CARHSP1: variants seen among roughly 807,000 people sequenced by gnomAD.
The protein encoded by CARHSP1 is calcium-regulated heat-stable protein 1.
CARHSP1 carries 14 observed loss-of-function variants against 12.5 expected under a neutral mutation model. That is an observed-to-expected ratio of 1.12 (90% CI 0.74 to 1.75). The LOEUF is 1.75. CARHSP1 is among the 40% of genes most tolerant of loss of function. CARHSP1 has a pLI of 0.00. For synonymous variants in CARHSP1, 161 were observed against 82.0 expected, an observed-to-expected ratio of 1.96 and a Z score of -5.20; for missense variants, 343 against 201.6, an observed-to-expected ratio of 1.70 and a Z score of -4.25.
At chr16:8,857,261 CTGTTTTTTTTTTT>C (rs2061149801) in intron 3 of CARHSP1, among the ~76,000 whole-genome samples, 2 of 44,302 alleles carry the variant, frequency 4.5e-5, no homozygotes, top group Non-Finnish European at 7.7e-5. Flanking sequence ...TTGGGCAGAT[CTGTTTTTTTTTTT>C]TTTTTTTTTT....
chr16:8,858,505 T>C (rs1351116048), intron 2 of CARHSP1, 33 bp from the exon 3 acceptor site: 4 of 1,608,398 alleles, frequency 2.5e-6, no homozygotes, highest in Non-Finnish European at 3.4e-6. Flanking sequence ...AGGGGCCCCA[T>C]CAGCGCTCCT....
At chr16:8,863,018 G>A (rs1400635864) in intron 1 of CARHSP1, among the ~76,000 whole-genome samples, 1 of 151,932 alleles carries the variant, frequency 6.6e-6, no homozygotes, top group Admixed American at 6.6e-5. Flanking sequence ...GGAGTCTGAG[G>A]GCAGCACAGG....
intron 3 of CARHSP1, 37 bp from the exon 4 acceptor site, chr16:8,855,363 C>A: frequency 2.1e-6 from 3 of 1,450,340 alleles, no homozygotes; most frequent in Non-Finnish European, 1.8e-6. Context: ...GGGCTCACAC[C>A]GGGACACAGC....
chr16:8,858,468 C>T lies in CARHSP1; in HGVS notation c.163G>A (p.Val55Met), dbSNP rs775324571. 4 of 1,613,676 alleles carry T rather than the reference C, an allele frequency of 2.5e-6. No homozygotes were observed. The highest frequency in any genetic ancestry group is 4.5e-5 in the East Asian group (2 of 44,876). The part of the protein sequence containing the change: ...TRRTRTFSAT[V>M]RASQGPVYKG... ...TAGACGGGGCCCTGTGAAGCCCGCA[C>T]CGTCCTGACAGAGAGGGGGAAATGT... The change falls in exon 3 of 4, where the codon GTG becomes ATG. Residue 55 changes from valine to methionine, a missense_variant. Transcript: ENST00000311052.
rs1491522629 is a variant in CARHSP1, at chr16:8,857,264, T to TTTTTTGTTTTTTG, written c.281+1085_281+1086insCAAAAAACAAAAA. ...GGCTATGTGATCTTGGGCAGATCTG[T>TTTTTTGTTTTTTG]TTTTTTTTTTTTTTTTTTTTTTTTT... On this transcript the variant is annotated intron_variant, in intron 3 of 3. Coordinates refer to ENST00000311052, the MANE Select transcript of CARHSP1 (RefSeq NM_014316.4). 4.2e-3 allele frequency among the ~76,000 whole-genome samples: 41 copies of TTTTTTGTTTTTTG among 9,672 alleles called. 5 individuals are homozygous for TTTTTTGTTTTTTG. Among genetic ancestry groups the TTTTTTGTTTTTTG allele is most frequent in the Admixed American group, 0.011 (7 of 632 alleles). 6.3% of individuals were successfully genotyped at this position (9,672 alleles called of 152,430 possible).
chr16:8,853,507 C>T lies in CARHSP1; in HGVS notation c.*1657G>A, dbSNP rs933689029. ...ATGCGTATTTGCTATTCTCAAACAA[C>T]TCCCTTCCACCCCCTTAGGCTGAAA... On this transcript the variant is annotated 3_prime_UTR_variant, in exon 4 of 4. Coordinates refer to ENST00000311052, the MANE Select transcript of CARHSP1 (RefSeq NM_014316.4). 1 of 152,176 alleles carries T rather than the reference C, an allele frequency of 6.6e-6. No individual in the cohort carries two copies. Among genetic ancestry groups the T allele is most frequent in the Non-Finnish European group, 1.5e-5 (1 of 68,044 alleles). The allele number at this position is 152,176 out of a possible 1,614,324, so 9.4% of individuals were successfully genotyped here.
chr16:8,858,427 TTTGCAGACTCC>T lies in CARHSP1; in HGVS notation c.193_203del (p.Gly65MetfsTer15). Reference sequence around the variant, plus strand: ...CATGGCCCTTGGACCGGCAGAAGCATTTGCAGACTCCTTTGTAGACGGGGCCCTGTGAAGCC... The same window carrying T: ...CATGGCCCTTGGACCGGCAGAAGCATTTTGTAGACGGGGCCCTGTGAAGCC... On this transcript the variant is annotated frameshift_variant, in exon 3 of 4. Coordinates refer to ENST00000311052, the MANE Select transcript of CARHSP1 (RefSeq NM_014316.4). LOFTEE classifies it high-confidence loss of function. The T allele has an allele frequency of 6.2e-7, 1 of 1,613,912 alleles. No homozygotes were observed. Among genetic ancestry groups the T allele is most frequent in the Non-Finnish European group, 8.5e-7 (1 of 1,179,986 alleles).
At position 8,853,485 on chromosome 16, in the gene CARHSP1, CG is replaced by C. The variant is rs1343491627; in HGVS notation, c.*1678del. On this transcript the variant is annotated 3_prime_UTR_variant, in exon 4 of 4. Coordinates refer to ENST00000311052, the MANE Select transcript of CARHSP1 (RefSeq NM_014316.4). ...TCTCCACACACTCGCAATCAACATG[CG>C]TATTTGCTATTCTCAAACAACTCCC... is the stretch of plus-strand genomic sequence containing the variant. The C allele has an allele frequency of 6.6e-6, 1 of 152,108 alleles. No individual in the cohort carries two copies. The highest frequency in any genetic ancestry group is 1.5e-5 in the Non-Finnish European group (1 of 68,022). The allele number at this position is 152,108 out of a possible 1,614,324, so 9.4% of individuals were successfully genotyped here.
At chr16:8,861,495 A>T (rs2061353797) in intron 1 of CARHSP1, 14 of 758,796 alleles carry the variant, frequency 1.8e-5, no homozygotes, top group Non-Finnish European at 2.6e-5. Context: ...AACCGCCTTC[A>T]AGCATAGCCA....
chr16:8,866,154 GT>G (rs1309792708), intron 1 of CARHSP1, among the ~76,000 whole-genome samples: 3 of 152,202 alleles, frequency 2.0e-5, no homozygotes, highest in African/African-American at 7.2e-5. Flanking sequence ...AGGTCTCACT[GT>G]GTTGTCCAGG....
chr16:8,861,670 T>C (rs1393514995), intron 1 of CARHSP1: 5 of 1,289,132 alleles, frequency 3.9e-6, no homozygotes, highest in East Asian at 5.6e-5. Flanking sequence ...TCCTACCTCC[T>C]GTCCCTTCTC....
At chr16:8,855,721 G>A (rs1441512467) in intron 3 of CARHSP1, among the ~76,000 whole-genome samples, 2 of 152,192 alleles carry the variant, frequency 1.3e-5, no homozygotes, top group African/African-American at 4.8e-5. Flanking sequence ...CGAGTTGAGG[G>A]GTGGCCTGGG....
intron 1 of CARHSP1, among the ~76,000 whole-genome samples, chr16:8,862,745 G>T (rs978057624): frequency 6.6e-6 from 1 of 152,168 alleles, no homozygotes; most frequent in African/African-American, 2.4e-5. Flanking sequence ...TGATGGGTGG[G>T]GGACTAGGAA....
chr16:8,857,278 T>TTTTTG (rs2061159636), intron 3 of CARHSP1, among the ~76,000 whole-genome samples: 1 of 116,738 alleles, frequency 8.6e-6, no homozygotes, highest in Admixed American at 8.3e-5. Context: ...TTTTTTTTTT[T>TTTTTG]TTTTTTTTTT....
chr16:8,858,687 C>A lies in CARHSP1; in HGVS notation c.159-215G>T, dbSNP rs966492504. 1.8e-5 allele frequency: 10 copies of A among 552,626 alleles called. No individual in the cohort carries two copies. The East Asian group carries it at 2.7e-4, about 15-fold the overall frequency. 34.2% of individuals were successfully genotyped at this position (552,626 alleles called of 1,614,324 possible). On this transcript the variant is annotated intron_variant, in intron 2 of 3. Transcript: ENST00000311052. ...TTTGGATGACCCTGGCCAATTTTCT[C>A]GGGCCTGTTTTCCCTCCTGGAAAGA...
chr16:8,855,656 A>G (rs1046170316), intron 3 of CARHSP1, among the ~76,000 whole-genome samples: 1 of 151,038 alleles, frequency 6.6e-6, no homozygotes, highest in Admixed American at 6.9e-5. Context: ...GAGTAAAGAC[A>G]GCCAGTCCAA....
chr16:8,855,433 C>T, intron 3 of CARHSP1, 107 bp from the exon 4 acceptor site: 1 of 1,006,402 alleles, frequency 9.9e-7, no homozygotes, highest in Non-Finnish European at 1.3e-6. Context: ...CAGGCACCAT[C>T]TGACCAACCA....
Position 8,853,833 on chromosome 16 carries a change from C to CCCAGCA in CARHSP1, c.*1325_*1330dup, listed in dbSNP as rs1158401085. ...GGGCGCGATGGCTCACACTTGTAATCCCAGCACTTTGAGAGGCCGAGATGG... is the reference window on the plus strand; with the variant it reads ...GGGCGCGATGGCTCACACTTGTAATCCCAGCACCAGCACTTTGAGAGGCCGAGATGG... On this transcript the variant is annotated 3_prime_UTR_variant, in exon 4 of 4. Transcript: ENST00000311052. 3 of 152,192 alleles carry CCCAGCA rather than the reference C, an allele frequency of 2.0e-5. No homozygotes were observed. The highest frequency in any genetic ancestry group is 1.3e-4 in the Admixed American group (2 of 15,280). The allele number at this position is 152,192 out of a possible 1,614,324, so 9.4% of individuals were successfully genotyped here. A position where few individuals can be genotyped will look rare whatever the true frequency, so the allele number is the denominator to read the frequency against.
In CARHSP1 at chr16:8,853,067, C is replaced by T. The variant is rs1359212635; in HGVS notation, c.*2097G>A. ...AAACCCTCCGTCCCTCCCAGAGCCT[C>T]GAGGAGTTTCCCCTTGTGTAAACCG... is the stretch of plus-strand genomic sequence containing the variant. On this transcript the variant is annotated 3_prime_UTR_variant, in exon 4 of 4. Coordinates refer to ENST00000311052, the MANE Select transcript of CARHSP1 (RefSeq NM_014316.4). 2 of 152,138 alleles carry T rather than the reference C, an allele frequency of 1.3e-5. No homozygotes were observed. The highest frequency in any genetic ancestry group is 6.5e-5 in the Admixed American group (1 of 15,274). The allele number at this position is 152,138 out of a possible 1,614,324, so 9.4% of individuals were successfully genotyped here. A position where few individuals can be genotyped will look rare whatever the true frequency, so the allele number is the denominator to read the frequency against.
Sources: gnomAD v4.1 joint callset for allele counts (sites outside exome capture counted in the v4.1 genomes callset) on GRCh38, gnomAD v4.1.1 for gene constraint, MANE v1.5 for transcripts, NCBI Gene and HGNC (gene_info 2026-07-23, HGNC 2026-07-21) for gene names.